Variants in CCR2 observed in about 807,000 individuals in gnomAD.
CCR2 encodes C-C motif chemokine receptor 2.
For synonymous variants in CCR2, 183 were observed against 177.1 expected, an observed-to-expected ratio of 1.03 and a Z score of -0.27; for missense variants, 408 against 440.0, an observed-to-expected ratio of 0.93 and a Z score of 0.65.
At position 46,359,439 on chromosome 3, in the gene CCR2, C is replaced by G. The variant is rs892825682; in HGVS notation, c.*829C>G. 1.7e-6 allele frequency: 2 copies of G among 1,155,252 alleles called. No individual in the cohort carries two copies. Among genetic ancestry groups the G allele is most frequent in the Non-Finnish European group, 2.3e-6 (2 of 875,638 alleles). The allele number at this position is 1,155,252 out of a possible 1,614,324, so 71.6% of individuals were successfully genotyped here. ...ATATATATAGGCTCTTGCTTGATCT[C>G]TCCAGGAGGTAGTGATTATGAGAAG... On this transcript the variant is annotated 3_prime_UTR_variant, in exon 2 of 2. Transcript: ENST00000445132.
At position 46,359,858 on chromosome 3, in the gene CCR2, T is replaced by A; in HGVS notation, c.*1248T>A. On this transcript the variant is annotated 3_prime_UTR_variant, in exon 2 of 2. Transcript: ENST00000445132. ...CAGTCTTCAGGACAAAGAAGGAGCC[T>A]AGAGACAGAAATGACAGATCTCTGC... The A allele has an allele frequency of 6.2e-7, 1 of 1,612,456 alleles. No individual in the cohort carries two copies. Among genetic ancestry groups the A allele is most frequent in the Non-Finnish European group, 8.5e-7 (1 of 1,179,568 alleles).
In CCR2 at chr3:46,357,928, T is replaced by TGACAATC; in HGVS notation, c.404_410dup (p.Arg138AsnfsTer3). On this transcript the variant is annotated frameshift_variant, in exon 2 of 2. Transcript: ENST00000445132. LOFTEE classifies it low-confidence loss of function (END_TRUNC). ...GGCGGAATCTTCTTCATCATCCTCC[T>TGACAATC]GACAATCGATAGATACCTGGCTATT... 1 of 1,614,222 alleles carries TGACAATC rather than the reference T, an allele frequency of 6.2e-7. No homozygotes were observed. Among genetic ancestry groups the TGACAATC allele is most frequent in the East Asian group, 2.2e-5 (1 of 44,890 alleles).
In CCR2 at chr3:46,360,815, G is replaced by A. The variant is rs1454127377; in HGVS notation, c.*2205G>A. ...GCAGAACTTTCACCTTCATATATTT[G>A]TATGATCCTAATGAATGCATAAAAT... is the stretch of plus-strand genomic sequence containing the variant. On this transcript the variant is annotated 3_prime_UTR_variant, in exon 2 of 2. Transcript: ENST00000445132. 2 of 152,186 alleles carry A rather than the reference G, an allele frequency of 1.3e-5. No individual in the cohort carries two copies. Among genetic ancestry groups the A allele is most frequent in the Admixed American group, 6.5e-5 (1 of 15,286 alleles). 9.4% of individuals were successfully genotyped at this position (152,186 alleles called of 1,614,324 possible).
chr3:46,358,266 A>G lies in CCR2; in HGVS notation c.739A>G (p.Thr247Ala), dbSNP rs760787891. 3 of 1,614,154 alleles carry G rather than the reference A, an allele frequency of 1.9e-6. No homozygotes were observed. The highest frequency in any genetic ancestry group is 1.7e-5 in the Admixed American group (1 of 60,024). ...KRHRAVRVIF[T>A]IMIVYFLFWT... ...GCATAGGGCAGTGAGAGTCATCTTC[A>G]CCATCATGATTGTTTACTTTCTCTT... The change falls in exon 2 of 2, where the codon ACC (threonine) becomes GCC (alanine). Residue 247 changes from threonine (T) to alanine (A), a missense_variant. Coordinates refer to ENST00000445132, the MANE Select transcript of CCR2 (RefSeq NM_001123396.4).
chr3:46,357,964 T>C lies in CCR2; in HGVS notation c.437T>C (p.Val146Ala). The change falls in exon 2 of 2, where the codon GTG becomes GCG. Residue 146 changes from valine to alanine, a missense_variant. Physicochemically the swap from Val to Ala is moderately conservative, Grantham distance 64. Transcript: ENST00000445132. ...IDRYLAIVHAVFALKARTVTF... is the reference protein window; with the variant it reads ...IDRYLAIVHAAFALKARTVTF... Reference sequence around the variant, plus strand: ...AGATACCTGGCTATTGTCCATGCTGTGTTTGCTTTAAAAGCCAGGACGGTC... The same window carrying C: ...AGATACCTGGCTATTGTCCATGCTGCGTTTGCTTTAAAAGCCAGGACGGTC... 1 of 1,614,216 alleles carries C rather than the reference T, an allele frequency of 6.2e-7. No homozygotes were observed. Among genetic ancestry groups the C allele is most frequent in the Non-Finnish European group, 8.5e-7 (1 of 1,180,026 alleles).
At position 46,357,860 on chromosome 3, in the gene CCR2, A is replaced by T; in HGVS notation, c.333A>T (p.Ala111=). The T allele has an allele frequency of 6.2e-7, 1 of 1,614,178 alleles. No individual in the cohort carries two copies. Among genetic ancestry groups the T allele is most frequent in the Non-Finnish European group, 8.5e-7 (1 of 1,180,012 alleles). Reference sequence around the variant, plus strand: ...CAAATGAGTGGGTCTTTGGGAATGCAATGTGCAAATTATTCACAGGGCTGT... The same window carrying T: ...CAAATGAGTGGGTCTTTGGGAATGCTATGTGCAAATTATTCACAGGGCTGT... The part of the protein sequence containing the change: ...SAANEWVFGN[A]MCKLFTGLYH... The change falls in exon 2 of 2, where the codon GCA becomes GCT. Residue 111 remains alanine, a synonymous_variant. Coordinates refer to ENST00000445132, the MANE Select transcript of CCR2 (RefSeq NM_001123396.4).
Position 46,358,673 on chromosome 3 carries a change from T to C in CCR2, c.*63T>C, listed in dbSNP as rs775682030. On this transcript the variant is annotated 3_prime_UTR_variant, in exon 2 of 2. Transcript: ENST00000445132. ...TAACAATCTGTATATAACAACAAAC[T>C]TCAAGGGTTTGTTGAACAATAGAAA... 121 of 1,500,734 alleles carry C rather than the reference T, an allele frequency of 8.1e-5. No individual in the cohort carries two copies. Among genetic ancestry groups the C allele is most frequent in the Non-Finnish European group, 1.1e-4 (118 of 1,123,022 alleles). The allele number at this position is 1,500,734 out of a possible 1,614,324, so 93.0% of individuals were successfully genotyped here.
chr3:46,358,241 G>T lies in CCR2; in HGVS notation c.714G>T (p.Arg238Ser). 1 of 1,614,164 alleles carries T rather than the reference G, an allele frequency of 6.2e-7. No homozygotes were observed. The highest frequency in any genetic ancestry group is 8.5e-7 in the Non-Finnish European group (1 of 1,180,024). The change falls in exon 2 of 2, where the codon AGG becomes AGT. Residue 238 changes from arginine to serine, a missense_variant. By Grantham distance (110) the Arg-to-Ser change is moderately radical. Coordinates refer to ENST00000445132, the MANE Select transcript of CCR2 (RefSeq NM_001123396.4). Reference sequence around the variant, plus strand: ...TTCGGTGTCGAAACGAGAAGAAGAGGCATAGGGCAGTGAGAGTCATCTTCA... The same window carrying T: ...TTCGGTGTCGAAACGAGAAGAAGAGTCATAGGGCAGTGAGAGTCATCTTCA... ...TLLRCRNEKK[R>S]HRAVRVIFTI... is the part of the protein sequence containing the mutation.
chr3:46,360,182 G>T lies in CCR2; in HGVS notation c.*1572G>T. The T allele has an allele frequency of 3.7e-6, 1 of 272,566 alleles. No homozygotes were observed. Among genetic ancestry groups the T allele is most frequent in the Non-Finnish European group, 6.9e-6 (1 of 144,048 alleles). 16.9% of individuals were successfully genotyped at this position (272,566 alleles called of 1,614,324 possible). On this transcript the variant is annotated 3_prime_UTR_variant, in exon 2 of 2. Transcript: ENST00000445132. The stretch of plus-strand genomic sequence containing the variant: ...TGTATTAGTCACAGAGATAATTCTA[G>T]CTTTGAGCTTAAGAATTTTGAGCAG...
chr3:46,356,477 T>C (rs147945371), intron 1 of CCR2, among the ~76,000 whole-genome samples: 2 of 152,196 alleles, frequency 1.3e-5, no homozygotes, highest in East Asian at 3.9e-4. Context: ...GATCAAATAC[T>C]TGAAGAGGGT....
chr3:46,359,881 T>G lies in CCR2; in HGVS notation c.*1271T>G. On this transcript the variant is annotated 3_prime_UTR_variant, in exon 2 of 2. Transcript: ENST00000445132. Reference sequence around the variant, plus strand: ...CCTAGAGACAGAAATGACAGATCTCTGCTTTGGAAATCACACGTCTGGCTT... The same window carrying G: ...CCTAGAGACAGAAATGACAGATCTCGGCTTTGGAAATCACACGTCTGGCTT... 1.2e-6 allele frequency: 2 copies of G among 1,604,740 alleles called. No homozygotes were observed. Among genetic ancestry groups the G allele is most frequent in the Non-Finnish European group, 1.7e-6 (2 of 1,175,198 alleles).
At position 46,357,923 on chromosome 3, in the gene CCR2, C is replaced by G. The variant is rs766591105; in HGVS notation, c.396C>G (p.Ile132Met). The change falls in exon 2 of 2, where the codon ATC (isoleucine) becomes ATG (methionine). Residue 132 changes from isoleucine to methionine, a missense_variant. Coordinates refer to ENST00000445132, the MANE Select transcript of CCR2 (RefSeq NM_001123396.4). ...ATTTTGGCGGAATCTTCTTCATCAT[C>G]CTCCTGACAATCGATAGATACCTGG... is the stretch of plus-strand genomic sequence containing the variant. The part of the protein sequence containing the change: ...IGYFGGIFFI[I>M]LLTIDRYLAI... 85 of 1,614,082 alleles carry G rather than the reference C, an allele frequency of 5.3e-5. No individual in the cohort carries two copies. Among genetic ancestry groups the G allele is most frequent in the Non-Finnish European group, 6.9e-5 (81 of 1,180,036 alleles).
In CCR2 at chr3:46,357,531, C is replaced by G; in HGVS notation, c.4C>G (p.Leu2Val). 6.2e-7 allele frequency: 1 copy of G among 1,613,088 alleles called. No individual in the cohort carries two copies. The highest frequency in any genetic ancestry group is 2.2e-5 in the East Asian group (1 of 44,862). Residue 2 changes from leucine to valine, a missense_variant, in exon 2 of 2, where the codon CTG becomes GTG. Leu to Val is a conservative substitution (Grantham distance 32). Transcript: ENST00000445132. M[L>V]STSRSRFIRN... ...ATTTCCCCAGTACATCCACAACATG[C>G]TGTCCACATCTCGTTCTCGGTTTAT... is the stretch of plus-strand genomic sequence containing the variant.
chr3:46,355,640 C>G (rs755076232), intron 1 of CCR2, among the ~76,000 whole-genome samples: 1 of 151,978 alleles, frequency 6.6e-6, no homozygotes, highest in Non-Finnish European at 1.5e-5. Flanking sequence ...TACAACAAAG[C>G]CAGGAGTGAG....
chr3:46,354,547 G>A (rs1317881287), intron 1 of CCR2, among the ~76,000 whole-genome samples: 1 of 152,174 alleles, frequency 6.6e-6, no homozygotes, highest in Non-Finnish European at 1.5e-5. Flanking sequence ...ACCAAAATGT[G>A]TCCCTTGCCT....
At chr3:46,354,309 A>T (rs1399034617) in intron 1 of CCR2, 132 bp downstream of exon 1, 2 of 152,372 alleles carry the variant, frequency 1.3e-5, no homozygotes, top group African/African-American at 2.4e-5. Flanking sequence ...GATCAAGATG[A>T]GAGGCAGGGG....
chr3:46,357,709 T>C lies in CCR2; in HGVS notation c.182T>C (p.Met61Thr). 6.2e-7 allele frequency: 1 copy of C among 1,614,196 alleles called. No individual in the cohort carries two copies. The highest frequency in any genetic ancestry group is 8.5e-7 in the Non-Finnish European group (1 of 1,180,016). ...LVFIFGFVGN[M>T]LVVLILINCK... ...TTCATCTTTGGTTTTGTGGGCAACA[T>C]GCTGGTCGTCCTCATCTTAATAAAC... is the stretch of plus-strand genomic sequence containing the variant. Residue 61 changes from methionine (M) to threonine (T), a missense_variant, in exon 2 of 2, where the codon ATG becomes ACG. Coordinates refer to ENST00000445132, the MANE Select transcript of CCR2 (RefSeq NM_001123396.4).
chr3:46,358,488 C>A lies in CCR2; in HGVS notation c.961C>A (p.Arg321=). Residue 321 remains arginine, a synonymous_variant, in exon 2 of 2, where the codon CGA becomes AGA. Transcript: ENST00000445132. The stretch of plus-strand genomic sequence containing the variant: ...CAGAAGGTATCTCTCGGTGTTCTTC[C>A]GAAAGCACATCACCAAGCGCTTCTG... ...KFRRYLSVFF[R]KHITKRFCKQ... 1 of 1,613,430 alleles carries A rather than the reference C, an allele frequency of 6.2e-7. No individual in the cohort carries two copies. Among genetic ancestry groups the A allele is most frequent in the Non-Finnish European group, 8.5e-7 (1 of 1,179,978 alleles).
In CCR2 at chr3:46,358,516, A is replaced by G; in HGVS notation, c.989A>G (p.Lys330Arg). ...FRKHITKRFC[K>R]QCPVFYRETV... Reference sequence around the variant, plus strand: ...AAGCACATCACCAAGCGCTTCTGCAAACAATGTCCAGTTTTCTACAGGGAG... The same window carrying G: ...AAGCACATCACCAAGCGCTTCTGCAGACAATGTCCAGTTTTCTACAGGGAG... The change falls in exon 2 of 2, where the codon AAA (lysine) becomes AGA (arginine). Residue 330 changes from lysine to arginine, a missense_variant. Physicochemically the swap from Lys to Arg is conservative, Grantham distance 26. Transcript: ENST00000445132. 1 of 1,613,432 alleles carries G rather than the reference A, an allele frequency of 6.2e-7. No homozygotes were observed. The highest frequency in any genetic ancestry group is 2.2e-5 in the East Asian group (1 of 44,854).
Sources: gnomAD v4.1 joint callset for allele counts (sites outside exome capture counted in the v4.1 genomes callset) on GRCh38, gnomAD v4.1.1 for gene constraint, MANE v1.5 for transcripts, NCBI Gene and HGNC (gene_info 2026-07-23, HGNC 2026-07-21) for gene names.